The following FER1L6 variants were observed in gnomAD, a reference collection of about 807,000 sequenced individuals.
FER1L6 encodes fer-1-like protein 6.
A neutral mutation model predicts 219.2 loss-of-function variants in FER1L6; 177 were observed. The ratio of observed to expected loss-of-function variants is 0.81; its 90% CI spans 0.71 to 0.91. The LOEUF (loss-of-function observed/expected upper bound fraction) is 0.91. Among genes scored for constraint, FER1L6 ranks in the 40% least tolerant of loss-of-function variants. The pLI is 0.00. For missense variants in FER1L6, 2,153 were observed against 2,259.9 expected (o/e 0.95, Z 0.96); for synonymous variants, 768 against 824.3 (o/e 0.93, Z 1.17).
intron 3 of FER1L6, among the ~76,000 whole-genome samples, chr8:123,964,567 C>T (rs917990585): frequency 6.6e-6 from 1 of 152,170 alleles, no homozygotes; most frequent in African/African-American, 2.4e-5. Flanking sequence ...TGACAACCAC[C>T]ACCCCTCTAC....
At chr8:124,011,793 G>C (rs1279826965) in intron 14 of FER1L6, among the ~76,000 whole-genome samples, 1 of 152,010 alleles carries the variant, frequency 6.6e-6, no homozygotes, top group Non-Finnish European at 1.5e-5. Flanking sequence ...CCAACACCCT[G>C]TTATTTTCCT....
At chr8:124,092,573 A>G (rs975079106) in intron 34 of FER1L6, among the ~76,000 whole-genome samples, 2 of 152,228 alleles carry the variant, frequency 1.3e-5, no homozygotes, top group Non-Finnish European at 2.9e-5. Context: ...AAAAAAAATC[A>G]CATTTAATTT....
intron 34 of FER1L6, among the ~76,000 whole-genome samples, chr8:124,093,826 A>G (rs1412369121): frequency 6.6e-6 from 1 of 151,680 alleles, no homozygotes; most frequent in African/African-American, 2.4e-5. Flanking sequence ...TTGTGGGTAC[A>G]TAATAGGTAT....
At chr8:123,858,547 G>A (rs1816689012) in intron 1 of FER1L6, among the ~76,000 whole-genome samples, 2 of 152,306 alleles carry the variant, frequency 1.3e-5, no homozygotes, top group African/African-American at 2.4e-5. Context: ...TTCAACACCT[G>A]CTGGCAGATG....
chr8:123,942,964 A>G (rs1374367129), intron 1 of FER1L6, among the ~76,000 whole-genome samples: 2 of 152,202 alleles, frequency 1.3e-5, no homozygotes, highest in Non-Finnish European at 2.9e-5. Flanking sequence ...AAGATATGCC[A>G]TAGAGTGGAG....
chr8:124,061,805 A>G (rs1200648058), intron 24 of FER1L6, 47 bp from the exon 25 acceptor site: 2 of 1,596,854 alleles, frequency 1.3e-6, no homozygotes, highest in Non-Finnish European at 1.7e-6. Flanking sequence ...GGGTCTGCCC[A>G]TGGAAGGGTC....
intron 35 of FER1L6, among the ~76,000 whole-genome samples, 184 bp downstream of exon 35, chr8:124,095,222 T>C (rs1822229064): frequency 6.6e-6 from 1 of 152,198 alleles, no homozygotes; most frequent in African/African-American, 2.4e-5. Flanking sequence ...AGGATGCTGC[T>C]AAATTAAACA....
intron 1 of FER1L6, among the ~76,000 whole-genome samples, chr8:123,919,283 T>G (rs946740336): frequency 2.4e-4 from 37 of 152,242 alleles, no homozygotes; most frequent in African/African-American, 8.9e-4. Context: ...CTACCTCTTC[T>G]CATGCCTTAG....
chr8:123,977,680 G>C (rs1816150502), intron 10 of FER1L6, 71 bp downstream of exon 10: 1 of 1,443,162 alleles, frequency 6.9e-7, no homozygotes, highest in African/African-American at 1.4e-5. Flanking sequence ...CTTTAAAAGG[G>C]GTGGGCTAGA....
intron 1 of FER1L6, among the ~76,000 whole-genome samples, chr8:123,913,326 A>G (rs1362330183): frequency 7.0e-6 from 1 of 143,638 alleles, no homozygotes; most frequent in Non-Finnish European, 1.5e-5. Flanking sequence ...ATGTTAAATA[A>G]TTTATTCACA....
At chr8:123,966,342 C>G (rs768938470) in intron 5 of FER1L6, 52 bp downstream of exon 5, 3 of 1,604,494 alleles carry the variant, frequency 1.9e-6, no homozygotes, top group Non-Finnish European at 2.6e-6. Context: ...TCTTCACCAC[C>G]ATTCTGCAGG....
In FER1L6 at chr8:123,980,856, C is replaced by G. The variant is rs778708330; in HGVS notation, c.1410+45C>G. ...TATGGTACTTTACCTATGAGGTGAA[C>G]CAGAGCAGGGACTGCCCCTGCCACA... On this transcript the variant is annotated intron_variant, in intron 11 of 40. Transcript: ENST00000522917. 26 of 1,494,086 alleles carry G rather than the reference C, an allele frequency of 1.7e-5. No homozygotes were observed. In the South Asian group the frequency reaches 2.9e-4, roughly 17 times the overall value. The allele number at this position is 1,494,086 out of a possible 1,614,324, so 92.6% of individuals were successfully genotyped here. A position where few individuals can be genotyped will look rare whatever the true frequency, so the allele number is the denominator to read the frequency against.
intron 1 of FER1L6, among the ~76,000 whole-genome samples, chr8:123,898,659 GTATATATATACGTA>G (rs1812790688): frequency 8.6e-6 from 1 of 116,888 alleles, no homozygotes; most frequent in African/African-American, 3.3e-5. Flanking sequence ...ATATATATAT[GTATATATATACGTA>G]TATATATACA....
chr8:124,098,215 T>C (rs575635674), intron 37 of FER1L6, among the ~76,000 whole-genome samples: 1 of 152,346 alleles, frequency 6.6e-6, no homozygotes, highest in African/African-American at 2.4e-5. Context: ...AATGAAAGAT[T>C]AATATGTTGA....
At chr8:124,069,547 T>C in intron 29 of FER1L6, 72 bp downstream of exon 29, 1 of 1,067,872 alleles carries the variant, frequency 9.4e-7, no homozygotes, top group Non-Finnish European at 1.4e-6. Context: ...GTCAGTGCTT[T>C]GGTCAACCCT....
chr8:124,024,400 A>G (rs113731698), intron 18 of FER1L6, among the ~76,000 whole-genome samples: 3,488 of 129,632 alleles, frequency 0.027, 145 homozygotes, highest in African/African-American at 0.094. Flanking sequence ...ACCACTCTGT[A>G]TGACTTTTCA....
At chr8:123,890,696 AAAC>A (rs960267198) in intron 1 of FER1L6, among the ~76,000 whole-genome samples, 4 of 128,876 alleles carry the variant, frequency 3.1e-5, no homozygotes, top group South Asian at 2.5e-4. Context: ...TTTCCTGGTT[AAAC>A]AACAACAACA....
chr8:124,066,559 T>G lies in FER1L6; in HGVS notation c.3678+9T>G. The G allele has an allele frequency of 1.2e-6, 2 of 1,612,092 alleles. No individual in the cohort carries two copies. The highest frequency in any genetic ancestry group is 1.7e-6 in the Non-Finnish European group (2 of 1,179,250). The stretch of plus-strand genomic sequence containing the variant: ...TGAAGAAAGCCCAGAAGGTAGAGTC[T>G]CCCCTACCTGTGGCAGTTAAGAGAT... On this transcript the variant is annotated intron_variant, in intron 27 of 40. Transcript: ENST00000522917.
At chr8:123,890,968 T>C (rs1026403675) in intron 1 of FER1L6, among the ~76,000 whole-genome samples, 34 of 152,106 alleles carry the variant, frequency 2.2e-4, no homozygotes, top group African/African-American at 8.2e-4. Flanking sequence ...AATTGTGATA[T>C]GGGTACAAAG....
Sources: gnomAD v4.1 joint callset for allele counts (sites outside exome capture counted in the v4.1 genomes callset) on GRCh38, gnomAD v4.1.1 for gene constraint, MANE v1.5 for transcripts, NCBI Gene and HGNC (gene_info 2026-07-23, HGNC 2026-07-21) for gene names.